GLT1D1: variants seen among roughly 807,000 people sequenced by gnomAD.
GLT1D1 encodes the protein glycosyltransferase 1 domain containing 1, also known as glycosyltransferase 1 domain-containing protein 1.
A neutral mutation model predicts 28.7 loss-of-function variants in GLT1D1; 21 were observed. The ratio of observed to expected loss-of-function variants is 0.73; its 90% CI spans 0.52 to 1.05. The LOEUF is 1.05. Ranked by LOEUF, GLT1D1 falls within the 50% of genes least tolerant of loss-of-function variation. The pLI is 0.00. For synonymous variants in GLT1D1, 147 were observed against 124.8 expected (o/e 1.18, Z -1.19); for missense variants, 343 against 330.6 (o/e 1.04, Z -0.29).
chr12:128,880,937 G>T (rs1424561470), intron 2 of GLT1D1, among the ~76,000 whole-genome samples: 1 of 152,006 alleles, frequency 6.6e-6, no homozygotes, highest in Non-Finnish European at 1.5e-5. Flanking sequence ...AAAAATATTT[G>T]TAGTCGGCCG....
At chr12:128,878,019 A>C (rs1956914806) in intron 2 of GLT1D1, among the ~76,000 whole-genome samples, 1 of 152,230 alleles carries the variant, frequency 6.6e-6, no homozygotes, top group Non-Finnish European at 1.5e-5. Context: ...CCCTGAGAGA[A>C]CCATCAAAAG....
chr12:128,958,520 C>A (rs1338320247), intron 7 of GLT1D1, among the ~76,000 whole-genome samples: 1 of 140,402 alleles, frequency 7.1e-6, no homozygotes, highest in Non-Finnish European at 1.5e-5. Context: ...GTGGTAGGAT[C>A]ATTTGAGGTC....
chr12:128,911,351 G>A (rs534250890), intron 4 of GLT1D1, among the ~76,000 whole-genome samples: 4 of 152,294 alleles, frequency 2.6e-5, no homozygotes, highest in African/African-American at 4.8e-5. Context: ...TTTAGCTTGT[G>A]TCCCAAAATA....
intron 4 of GLT1D1, among the ~76,000 whole-genome samples, chr12:128,930,998 C>T (rs919691194): frequency 1.0e-4 from 15 of 145,534 alleles, no homozygotes; most frequent in Middle Eastern, 3.6e-3. Context: ...TTCTACCACC[C>T]TTTTTTTTTT....
chr12:128,907,163 T>C (rs1298842912), intron 4 of GLT1D1, among the ~76,000 whole-genome samples: 2 of 152,166 alleles, frequency 1.3e-5, no homozygotes, highest in Admixed American at 6.5e-5. Context: ...CCATACCTTT[T>C]ATTAGAGTTC....
chr12:128,908,911 T>C (rs1296963974), intron 4 of GLT1D1, among the ~76,000 whole-genome samples: 3 of 152,074 alleles, frequency 2.0e-5, no homozygotes, highest in Non-Finnish European at 4.4e-5. Flanking sequence ...ATCGCGCCCC[T>C]GCACTCCAGC....
chr12:128,861,871 A>T (rs1391824871), intron 1 of GLT1D1, among the ~76,000 whole-genome samples: 1 of 152,178 alleles, frequency 6.6e-6, no homozygotes, highest in Admixed American at 6.5e-5. Flanking sequence ...AAGAAAAAAA[A>T]AGTATGAGGA....
intron 2 of GLT1D1, among the ~76,000 whole-genome samples, chr12:128,881,284 C>T (rs1957034709): frequency 6.8e-6 from 1 of 146,550 alleles, no homozygotes; most frequent in African/African-American, 2.5e-5. Flanking sequence ...GTAATCCCAG[C>T]ATTTTGAAGG....
chr12:128,976,557 G>A (rs576955617), intron 7 of GLT1D1, among the ~76,000 whole-genome samples: 7 of 152,228 alleles, frequency 4.6e-5, no homozygotes, highest in Non-Finnish European at 8.8e-5. Context: ...CGTATTTGAA[G>A]CAGCGGGAGA....
At chr12:128,900,280 C>T (rs568580900) in intron 4 of GLT1D1, among the ~76,000 whole-genome samples, 7 of 152,320 alleles carry the variant, frequency 4.6e-5, no homozygotes, top group South Asian at 4.1e-4. Context: ...CATTTGCAGG[C>T]GTTATTCCTG....
rs1880596304 is a variant in GLT1D1, at chr12:128,984,317, T to G, written c.*1227T>G. On this transcript the variant is annotated 3_prime_UTR_variant, in exon 8 of 8. Coordinates refer to ENST00000281703, the MANE Select transcript of GLT1D1 (RefSeq NM_144669.3). Reference sequence around the variant, plus strand: ...TTTTAGGATGTCTGAACTTTCAGCTTTCATGTTTTCAACCATCATTTTTTT... The same window carrying G: ...TTTTAGGATGTCTGAACTTTCAGCTGTCATGTTTTCAACCATCATTTTTTT... 1 of 148,752 alleles carries G rather than the reference T, an allele frequency of 6.7e-6. No homozygotes were observed. The highest frequency in any genetic ancestry group is 2.1e-4 in the East Asian group (1 of 4,768). 9.2% of individuals were successfully genotyped at this position (148,752 alleles called of 1,614,324 possible).
chr12:128,922,941 A>G (rs1872798795), intron 4 of GLT1D1, among the ~76,000 whole-genome samples: 2 of 151,798 alleles, frequency 1.3e-5, no homozygotes, highest in Admixed American at 6.6e-5. Context: ...AAAAAAAAAA[A>G]AAAAAGAGTA....
Position 128,983,088 on chromosome 12 carries a change from T to G in GLT1D1, c.799T>G (p.Ter267GlyextTer41). 1 of 1,613,214 alleles carries G rather than the reference T, an allele frequency of 6.2e-7. No individual in the cohort carries two copies. The highest frequency in any genetic ancestry group is 1.3e-5 in the African/African-American group (1 of 75,036). ...GAAGCTGGAAGGAAGCACTGAAGATTGAGGGCCCCGCCTCATCAGACACCT... is the reference window on the plus strand; with the variant it reads ...GAAGCTGGAAGGAAGCACTGAAGATGGAGGGCCCCGCCTCATCAGACACCT... The change falls in exon 8 of 8, where the codon TGA becomes GGA. Residue 267 changes from the stop codon to glycine (G), a stop_lost. Transcript: ENST00000281703. The surrounding 1 kb of genome is among the most constrained non-coding windows in gnomAD (Gnocchi z 4.7).
chr12:128,945,269 G>A (rs1347344852), intron 4 of GLT1D1, 57 bp from the exon 9 acceptor site: 18 of 1,575,286 alleles, frequency 1.1e-5, no homozygotes, highest in Non-Finnish European at 1.6e-5. Context: ...GTGCTGGCCG[G>A]CTGGCAGCGC....
intron 7 of GLT1D1, 36 bp from the exon 12 acceptor site, chr12:128,982,893 A>G (rs761105698): frequency 1.2e-6 from 2 of 1,606,658 alleles, no homozygotes; most frequent in Non-Finnish European, 1.7e-6. Context: ...TCCCTTCATC[A>G]GTGATTTATG....
intron 6 of GLT1D1, among the ~76,000 whole-genome samples, chr12:128,950,407 G>A (rs775483223): frequency 6.6e-6 from 1 of 152,150 alleles, no homozygotes; most frequent in East Asian, 1.9e-4. Context: ...TGTAAGATCC[G>A]AATGTGCTGT....
chr12:128,956,171 A>AAAAAAAAAAGAG lies in GLT1D1; in HGVS notation c.541-1373_541-1372insAAAAAAAAGAGA, dbSNP rs374597920. 7.8e-4 allele frequency among the ~76,000 whole-genome samples: 50 copies of AAAAAAAAAAGAG among 63,950 alleles called. 8 individuals are homozygous for AAAAAAAAAAGAG. The highest frequency in any genetic ancestry group is 1.5e-3 in the Admixed American group (7 of 4,714). 42.0% of individuals were successfully genotyped at this position (63,950 alleles called of 152,430 possible). A position where few individuals can be genotyped will look rare whatever the true frequency, so the allele number is the denominator to read the frequency against. On this transcript the variant is annotated intron_variant, in intron 6 of 7. Coordinates refer to ENST00000281703, the MANE Select transcript of GLT1D1 (RefSeq NM_144669.3). ...GAGACTCCATCTCAAAAAAAAAAAA[A>AAAAAAAAAAGAG]AGAGAAAGAGAGAAAGAAAGAAAGA...
At chr12:128,908,742 G>A (rs967340892) in intron 4 of GLT1D1, among the ~76,000 whole-genome samples, 1 of 151,942 alleles carries the variant, frequency 6.6e-6, no homozygotes, top group Non-Finnish European at 1.5e-5. Context: ...GAGGTCAGGA[G>A]ATCGAGACCA....
intron 4 of GLT1D1, among the ~76,000 whole-genome samples, chr12:128,939,923 G>A (rs1024226899): frequency 1.3e-5 from 2 of 149,926 alleles, no homozygotes; most frequent in African/African-American, 4.9e-5. Context: ...ATTTGGGTGG[G>A]GACACAGATC....
Sources: allele counts gnomAD v4.1 joint callset (sites outside exome capture counted in the v4.1 genomes callset), GRCh38; gene constraint gnomAD v4.1.1; non-coding constraint Gnocchi (gnomAD v3.1); transcripts MANE v1.5; gene names NCBI Gene and HGNC (gene_info 2026-07-23, HGNC 2026-07-21).